The following TNFSF4 variants were observed in gnomAD, a reference collection of about 807,000 sequenced individuals.
The protein encoded by TNFSF4 is TNF superfamily member 4, also known as tumor necrosis factor ligand superfamily member 4.
Under a neutral mutation model 7.3 loss-of-function variants are expected in TNFSF4, and 4 were observed. The ratio of observed to expected loss-of-function variants is 0.55; its 90% CI spans 0.27 to 1.25. The LOEUF is 1.25. TNFSF4 is among the 50% of genes most tolerant of loss of function. The probability of loss-of-function intolerance (pLI) is 0.12; values close to 1 mark genes in which losing one functional copy is unlikely to be tolerated. For missense variants in TNFSF4, 181 were observed against 208.8 expected (o/e 0.87, Z 0.82); for synonymous variants, 76 against 83.7 (o/e 0.91, Z 0.50).
At chr1:173,409,902 C>A in the TNFSF4 span, among the ~76,000 whole-genome samples, 1 of 152,138 alleles carries the variant, frequency 6.6e-6, no homozygotes, top group Non-Finnish European at 1.5e-5. Flanking sequence ...ACATGTACAC[C>A]CTCCTGCTGC....
the TNFSF4 span, among the ~76,000 whole-genome samples, chr1:173,324,449 C>T: frequency 0.07 from 10,626 of 152,204 alleles, 420 homozygotes; most frequent in East Asian, 0.11. Context: ...GAAGAAACTG[C>T]ATCAACTAAC....
chr1:173,356,529 TG>T, the TNFSF4 span, among the ~76,000 whole-genome samples: 1 of 152,264 alleles, frequency 6.6e-6, no homozygotes, highest in Non-Finnish European at 1.5e-5. Context: ...TCTGGTTTTT[TG>T]GTCTAGTACC....
chr1:173,422,983 T>C, the TNFSF4 span, among the ~76,000 whole-genome samples: 1 of 152,082 alleles, frequency 6.6e-6, no homozygotes, highest in Admixed American at 6.5e-5. Context: ...CATTTTTTTT[T>C]TTTTAGACAG....
chr1:173,253,465 T>C, the TNFSF4 span, among the ~76,000 whole-genome samples: 1 of 152,070 alleles, frequency 6.6e-6, no homozygotes, highest in South Asian at 2.1e-4. Flanking sequence ...TTCAAAAAAG[T>C]AAAGTTGGGA....
the TNFSF4 span, among the ~76,000 whole-genome samples, chr1:173,282,528 A>T: frequency 6.6e-6 from 1 of 151,556 alleles, no homozygotes; most frequent in Admixed American, 6.6e-5. Context: ...GCACTGTCTC[A>T]GCTCACTGCA....
At chr1:173,245,200 T>G in the TNFSF4 span, among the ~76,000 whole-genome samples, 1 of 152,310 alleles carries the variant, frequency 6.6e-6, no homozygotes, top group South Asian at 2.1e-4. Context: ...AGACATTACC[T>G]TCTTTTAAAA....
At chr1:173,412,942 C>A in the TNFSF4 span, among the ~76,000 whole-genome samples, 1 of 152,128 alleles carries the variant, frequency 6.6e-6, no homozygotes, top group Non-Finnish European at 1.5e-5. Flanking sequence ...GGAATCGAGG[C>A]TGTTTAGGTC....
the TNFSF4 span, among the ~76,000 whole-genome samples, chr1:173,241,485 C>G: frequency 3.9e-5 from 6 of 152,174 alleles, no homozygotes; most frequent in African/African-American, 1.4e-4. Context: ...AGCATGTGTT[C>G]TGATTACTCT....
chr1:173,383,633 T>G, the TNFSF4 span, among the ~76,000 whole-genome samples: 1 of 152,188 alleles, frequency 6.6e-6, no homozygotes, highest in African/African-American at 2.4e-5. Context: ...ATGCTCTGAA[T>G]AAGAAAATCT....
the TNFSF4 span, among the ~76,000 whole-genome samples, chr1:173,353,471 A>C: frequency 6.6e-6 from 1 of 152,182 alleles, no homozygotes; most frequent in African/African-American, 2.4e-5. Flanking sequence ...GTGCGTGTGC[A>C]TGTGTGTATG....
At chr1:173,351,940 C>A in the TNFSF4 span, 1 of 525,500 alleles carries the variant, frequency 1.9e-6, no homozygotes, top group South Asian at 2.4e-5. Context: ...GAACAGAAAG[C>A]CAAATCTCAC....
At chr1:173,398,174 C>T in the TNFSF4 span, among the ~76,000 whole-genome samples, 138 of 152,284 alleles carry the variant, frequency 9.1e-4, no homozygotes, top group Non-Finnish European at 1.6e-3. Context: ...CTTTGTCATA[C>T]ATAACTTAGT....
chr1:173,182,540 G>A (rs1248650762), downstream of TNFSF4, among the ~76,000 whole-genome samples: 1 of 152,154 alleles, frequency 6.6e-6, no homozygotes, highest in East Asian at 1.9e-4. Context: ...GTTTTCAGAC[G>A]TAAAATAGGA....
At chr1:173,323,112 G>A in the TNFSF4 span, among the ~76,000 whole-genome samples, 1 of 152,206 alleles carries the variant, frequency 6.6e-6, no homozygotes, top group Admixed American at 6.5e-5. Context: ...TGACCCCCGA[G>A]TAGCCTACCT....
chr1:173,407,424 G>A, the TNFSF4 span, among the ~76,000 whole-genome samples: 31 of 151,870 alleles, frequency 2.0e-4, no homozygotes, highest in African/African-American at 7.0e-4. Flanking sequence ...GTCGGGTGTG[G>A]TCGCACACAC....
chr1:173,327,663 A>T, the TNFSF4 span, among the ~76,000 whole-genome samples: 5 of 150,560 alleles, frequency 3.3e-5, no homozygotes, highest in Admixed American at 6.7e-5. Flanking sequence ...ACAAGAAAAA[A>T]ACAAACAACC....
chr1:173,416,491 AG>A, the TNFSF4 span, among the ~76,000 whole-genome samples: 1 of 152,148 alleles, frequency 6.6e-6, no homozygotes, highest in African/African-American at 2.4e-5. Flanking sequence ...GGCAGCTTAC[AG>A]GGCCCTCCCC....
chr1:173,222,774 G>A, the TNFSF4 span, among the ~76,000 whole-genome samples: 1 of 152,194 alleles, frequency 6.6e-6, no homozygotes, highest in Non-Finnish European at 1.5e-5. Flanking sequence ...AGCTATTAAA[G>A]GTGAAATGAA....
chr1:173,359,510 TAAAAAAAAAAAAAAAAAAAAA>T, the TNFSF4 span, among the ~76,000 whole-genome samples: 10 of 122,732 alleles, frequency 8.1e-5, no homozygotes, highest in South Asian at 2.6e-4. Context: ...TTACCAGCTG[TAAAAAAAAAAAAAAAAAAAAA>T]AAAAAAAAAA....
Sources: gnomAD v4.1 joint callset for allele counts (sites outside exome capture counted in the v4.1 genomes callset) on GRCh38, gnomAD v4.1.1 for gene constraint, MANE v1.5 for transcripts, NCBI Gene and HGNC (gene_info 2026-07-23, HGNC 2026-07-21) for gene names.